CNST: variants seen among roughly 807,000 people sequenced by gnomAD.
CNST encodes consortin, connexin sorting protein.
Under a neutral mutation model 72.4 loss-of-function variants are expected in CNST, and 39 were observed. The ratio of observed to expected loss-of-function variants is 0.54; its 90% confidence interval spans 0.42 to 0.70. The LOEUF is 0.70. Among genes scored for constraint, CNST ranks in the 30% least tolerant of loss-of-function variants. The pLI, the probability that CNST is intolerant of heterozygous loss-of-function variation, is 0.00. For synonymous variants in CNST, 332 were observed against 320.1 expected (o/e 1.04, Z -0.40); for missense variants, 871 against 868.5 (o/e 1.00, Z -0.04).
chr1:246,634,962 T>TTCCGGCCGGGGTAGGTGTCC (rs1428502740), intron 6 of CNST, among the ~76,000 whole-genome samples: 1 of 151,622 alleles, frequency 6.6e-6, no homozygotes, highest in Non-Finnish European at 1.5e-5. Context: ...GGTGCGTGTC[T>TTCCGGCCGGGGTAGGTGTCC]TCCGGCCGGG....
chr1:246,577,968 G>T lies in CNST; in HGVS notation c.-52+11305G>T, dbSNP rs565717169. Among the ~76,000 whole-genome samples the T allele has an allele frequency of 3.3e-5, 5 of 151,422 alleles. 1 individual carries two copies. Among genetic ancestry groups the T allele is most frequent in the African/African-American group, 1.2e-4 (5 of 40,722 alleles). ...TTCTGTTTCCTACCAGATAATACTTGTGGTTTTTTTGTTGTTAAGTACATT... is the reference window on the plus strand; with the variant it reads ...TTCTGTTTCCTACCAGATAATACTTTTGGTTTTTTTGTTGTTAAGTACATT... On this transcript the variant is annotated intron_variant, in intron 1 of 10. Coordinates refer to ENST00000366513, the MANE Select transcript of CNST (RefSeq NM_152609.3).
intron 1 of CNST, among the ~76,000 whole-genome samples, chr1:246,576,742 C>A (rs1439155847): frequency 2.0e-5 from 3 of 151,958 alleles, no homozygotes; most frequent in African/African-American, 7.3e-5. Context: ...GATCCACCCC[C>A]CTCAGCCTTC....
chr1:246,599,864 A>G (rs918650070), intron 2 of CNST, among the ~76,000 whole-genome samples: 2 of 152,208 alleles, frequency 1.3e-5, no homozygotes, highest in African/African-American at 2.4e-5. Context: ...TAGTCAATAG[A>G]TATTTATTGA....
intron 1 of CNST, among the ~76,000 whole-genome samples, chr1:246,587,667 AAAGAG>A (rs1360859951): frequency 6.6e-6 from 1 of 152,232 alleles, no homozygotes; most frequent in African/African-American, 2.4e-5. Context: ...AAGAGAAGGA[AAAGAG>A]AAGAGAGATG....
At chr1:246,659,172 G>A (rs1666928653) in intron 9 of CNST, among the ~76,000 whole-genome samples, 1 of 152,202 alleles carries the variant, frequency 6.6e-6, no homozygotes, top group Non-Finnish European at 1.5e-5. Flanking sequence ...TTGTAGCCCA[G>A]AAGCAGCTGT....
At chr1:246,625,070 G>A (rs1664327916) in intron 3 of CNST, among the ~76,000 whole-genome samples, 2 of 152,282 alleles carry the variant, frequency 1.3e-5, no homozygotes, top group South Asian at 4.2e-4. Context: ...CTCCCAAGAA[G>A]AAGGATACTC....
At chr1:246,650,930 G>A (rs769541182) in intron 9 of CNST, among the ~76,000 whole-genome samples, 9 of 151,926 alleles carry the variant, frequency 5.9e-5, no homozygotes, top group Non-Finnish European at 1.3e-4. Flanking sequence ...CACCTACCTC[G>A]GCCTACCAAA....
rs138385555 is a variant in CNST at position 246,644,045 on chromosome 1, C to G, written c.937+2008C>G. ...ATAGCTGCTGTCCATCACCCCATCT[C>G]CTACTCATAGAATGGCACCTCAGAC... On this transcript the variant is annotated intron_variant, in intron 8 of 10. Transcript: ENST00000366513. Among the ~76,000 whole-genome samples, 717 of 152,266 alleles carry G rather than the reference C, an allele frequency of 4.7e-3. 3 individuals are homozygous for G. The highest frequency in any genetic ancestry group is 9.0e-3 in the Admixed American group (137 of 15,302).
chr1:246,591,820 C>A lies in CNST; in HGVS notation c.258C>A (p.Asn86Lys). 10 of 1,614,018 alleles carry A rather than the reference C, an allele frequency of 6.2e-6. No individual in the cohort carries two copies. Among genetic ancestry groups the A allele is most frequent in the African/African-American group, 1.3e-5 (1 of 75,006 alleles). ...TLSCEVAAGE[N>K]LQNTLCEASR... ...GCTGCGAGGTGGCTGCAGGTGAGAA[C>A]TTGCAAAACACCCTTTGTGAAGCCT... The change falls in exon 2 of 11, where the codon AAC becomes AAA. Residue 86 changes from asparagine (N) to lysine (K), a missense_variant. Physicochemically the swap from Asn to Lys is moderately conservative, Grantham distance 94. Transcript: ENST00000366513.
chr1:246,568,668 C>T (rs79394776), intron 1 of CNST, among the ~76,000 whole-genome samples: 3,385 of 152,256 alleles, frequency 0.022, 64 homozygotes, highest in East Asian at 0.062. Flanking sequence ...CTCCGCTTTT[C>T]GGGTTCAAGC....
intron 2 of CNST, among the ~76,000 whole-genome samples, chr1:246,599,089 A>G (rs1662085003): frequency 6.6e-6 from 1 of 152,124 alleles, no homozygotes; most frequent in Non-Finnish European, 1.5e-5. Context: ...GCTAGTAAGA[A>G]TAGAATAAAG....
intron 8 of CNST, among the ~76,000 whole-genome samples, chr1:246,643,636 G>C (rs963156928): frequency 1.3e-5 from 2 of 152,176 alleles, no homozygotes; most frequent in African/African-American, 4.8e-5. Flanking sequence ...ATTGAACGCA[G>C]CCTGCTTCTG....
chr1:246,581,077 A>G (rs1241521164), intron 1 of CNST, among the ~76,000 whole-genome samples: 1 of 152,040 alleles, frequency 6.6e-6, no homozygotes, highest in Non-Finnish European at 1.5e-5. Flanking sequence ...AATGTAATTC[A>G]TCGAAATATC....
intron 6 of CNST, among the ~76,000 whole-genome samples, chr1:246,636,538 G>A (rs1281874365): frequency 2.0e-5 from 3 of 152,176 alleles, no homozygotes; most frequent in African/African-American, 7.2e-5. Context: ...GTCTGCTTAT[G>A]GTTTTTGTGT....
chr1:246,578,105 A>G (rs543575626), intron 1 of CNST, among the ~76,000 whole-genome samples: 24 of 152,210 alleles, frequency 1.6e-4, no homozygotes, highest in African/African-American at 5.3e-4. Context: ...TTAATTAAAC[A>G]CCGTTCATAT....
intron 6 of CNST, among the ~76,000 whole-genome samples, chr1:246,639,291 A>G (rs1397240665): frequency 1.3e-5 from 2 of 152,170 alleles, no homozygotes; most frequent in East Asian, 1.9e-4. Flanking sequence ...TCGGCTGTGC[A>G]GGGTTTAAAG....
Position 246,666,773 on chromosome 1 carries a change from C to T in CNST, c.*868C>T, listed in dbSNP as rs1401472235. The T allele has an allele frequency of 1.3e-5, 2 of 152,190 alleles. No individual in the cohort carries two copies. Among genetic ancestry groups the T allele is most frequent in the African/African-American group, 4.8e-5 (2 of 41,432 alleles). The allele number at this position is 152,190 out of a possible 1,614,324, so 9.4% of individuals were successfully genotyped here. On this transcript the variant is annotated 3_prime_UTR_variant, in exon 11 of 11. Transcript: ENST00000366513. ...GACTCAGTTTGGCAAACGCTTACAC[C>T]TATTATGTTCTGAGATTCTGAGAAC...
chr1:246,592,727 C>G (rs141204867), intron 2 of CNST, among the ~76,000 whole-genome samples: 8 of 152,332 alleles, frequency 5.3e-5, no homozygotes, highest in Non-Finnish European at 8.8e-5. Flanking sequence ...AAATAAAATA[C>G]AGGAACATAT....
At position 246,647,773 on chromosome 1, in the gene CNST, A is replaced by G; in HGVS notation, c.1572A>G (p.Pro524=). ...TATCTGACTTAGGCATACTGCTTCC[A>G]GAGGTGTGTATGGCCCCAGAGGAAA... The part of the protein sequence containing the change: ...NQISDLGILL[P]EVCMAPEEKG... The change falls in exon 9 of 11, where the codon CCA becomes CCG. Residue 524 remains proline, a synonymous_variant. Coordinates refer to ENST00000366513, the MANE Select transcript of CNST (RefSeq NM_152609.3). 3 of 1,614,224 alleles carry G rather than the reference A, an allele frequency of 1.9e-6. No individual in the cohort carries two copies. Among genetic ancestry groups the G allele is most frequent in the Non-Finnish European group, 2.5e-6 (3 of 1,180,044 alleles).
Sources: allele counts gnomAD v4.1 joint callset (sites outside exome capture counted in the v4.1 genomes callset), GRCh38; gene constraint gnomAD v4.1.1; transcripts MANE v1.5; gene names NCBI Gene and HGNC (gene_info 2026-07-23, HGNC 2026-07-21).